CCSER1: variants seen among roughly 807,000 people sequenced by gnomAD.
The protein encoded by CCSER1 is serine-rich coiled-coil domain-containing protein 1.
In CCSER1, 41 loss-of-function variants were observed where a neutral mutation model predicts 82.0. That is an observed-to-expected ratio of 0.50 (90% confidence interval 0.39 to 0.65). The LOEUF is 0.65. Ranked by LOEUF, CCSER1 falls within the 30% of genes least tolerant of loss-of-function variation. CCSER1 has a pLI of 0.00. For missense variants in CCSER1, 1,119 were observed against 1,064.2 expected (o/e 1.05, Z -0.72); for synonymous variants, 414 against 383.9 (o/e 1.08, Z -0.92).
intron 10 of CCSER1, among the ~76,000 whole-genome samples, chr4:91,229,288 C>CA (rs59877595): frequency 0.15 from 20,685 of 138,014 alleles, 1,858 homozygotes; most frequent in Middle Eastern, 0.25. Context: ...CAAAAACCTG[C>CA]AAAAAAAAAA....
chr4:91,247,173 G>A (rs1157688548), intron 10 of CCSER1, among the ~76,000 whole-genome samples: 2 of 151,740 alleles, frequency 1.3e-5, no homozygotes, highest in Non-Finnish European at 2.9e-5. Context: ...GTGGTGGTGG[G>A]CGCCTGTAGT....
intron 10 of CCSER1, among the ~76,000 whole-genome samples, chr4:91,269,352 G>A (rs1383177869): frequency 2.0e-5 from 3 of 152,046 alleles, no homozygotes; most frequent in Non-Finnish European, 2.9e-5. Flanking sequence ...TTCAAATTTC[G>A]GGGAATCGCC....
At chr4:90,789,110 C>A (rs1754905936) in intron 7 of CCSER1, among the ~76,000 whole-genome samples, 3 of 152,162 alleles carry the variant, frequency 2.0e-5, no homozygotes, top group Non-Finnish European at 2.9e-5. Flanking sequence ...GTTGGTAGCT[C>A]ACTACTTTTT....
intron 3 of CCSER1, among the ~76,000 whole-genome samples, chr4:90,352,290 C>T (rs1436310356): frequency 6.6e-6 from 1 of 152,000 alleles, no homozygotes; most frequent in Admixed American, 6.5e-5. Flanking sequence ...CGCCACTGCA[C>T]TCCAGCCTGG....
At chr4:91,584,771 G>T (rs1254572003) in intron 10 of CCSER1, among the ~76,000 whole-genome samples, 1 of 151,134 alleles carries the variant, frequency 6.6e-6, no homozygotes, top group Non-Finnish European at 1.5e-5. Context: ...TATAAACATT[G>T]TTATTAAAAA....
intron 1 of CCSER1, among the ~76,000 whole-genome samples, chr4:90,261,040 T>C (rs909010267): frequency 6.6e-6 from 1 of 152,148 alleles, no homozygotes; most frequent in Non-Finnish European, 1.5e-5. Flanking sequence ...TTAAACCCAT[T>C]CGGCCATTCT....
intron 10 of CCSER1, among the ~76,000 whole-genome samples, chr4:91,293,619 C>T (rs1352621169): frequency 6.6e-6 from 1 of 151,898 alleles, no homozygotes; most frequent in South Asian, 2.1e-4. Context: ...GCATTCAATG[C>T]ACGTTTTGAA....
At chr4:90,488,231 G>A (rs1767428243) in intron 5 of CCSER1, among the ~76,000 whole-genome samples, 1 of 151,878 alleles carries the variant, frequency 6.6e-6, no homozygotes, top group African/African-American at 2.4e-5. Flanking sequence ...GCCCAGGCTG[G>A]AGTACAGTGG....
At chr4:90,152,048 A>G (rs1021987334) in intron 1 of CCSER1, among the ~76,000 whole-genome samples, 1 of 152,186 alleles carries the variant, frequency 6.6e-6, no homozygotes, top group African/African-American at 2.4e-5. Flanking sequence ...CTGTGTATGC[A>G]TATCATTTTA....
chr4:91,381,789 T>C (rs1360073730), intron 10 of CCSER1, among the ~76,000 whole-genome samples: 2 of 152,210 alleles, frequency 1.3e-5, no homozygotes, highest in Admixed American at 6.5e-5. Flanking sequence ...CTGGTGAGGA[T>C]CTGAGTTTCT....
At chr4:90,966,877 T>G (rs1734617820) in intron 9 of CCSER1, among the ~76,000 whole-genome samples, 1 of 152,062 alleles carries the variant, frequency 6.6e-6, no homozygotes, top group Non-Finnish European at 1.5e-5. Context: ...AGCTAGCTTC[T>G]CTGAAGAAAT....
intron 10 of CCSER1, among the ~76,000 whole-genome samples, chr4:91,394,779 A>G (rs1349962252): frequency 2.0e-5 from 3 of 152,060 alleles, no homozygotes; most frequent in Non-Finnish European, 4.4e-5. Flanking sequence ...CTAACATATA[A>G]CAAAAAACCT....
At chr4:91,041,422 A>G (rs1741946265) in intron 9 of CCSER1, among the ~76,000 whole-genome samples, 1 of 152,192 alleles carries the variant, frequency 6.6e-6, no homozygotes, top group Non-Finnish European at 1.5e-5. Context: ...ATGAGCTAGC[A>G]TTGCTTTGTG....
At chr4:90,322,066 G>A (rs1374377149) in intron 3 of CCSER1, among the ~76,000 whole-genome samples, 1 of 152,094 alleles carries the variant, frequency 6.6e-6, no homozygotes, top group Non-Finnish European at 1.5e-5. Context: ...CAAGACCAAT[G>A]TCTTGGAGAG....
intron 3 of CCSER1, among the ~76,000 whole-genome samples, chr4:90,390,597 T>C (rs1239214957): frequency 6.6e-6 from 1 of 152,214 alleles, no homozygotes; most frequent in Non-Finnish European, 1.5e-5. Flanking sequence ...TCCATGTTGC[T>C]GCAAAAGACA....
chr4:90,938,606 T>C (rs1581152548), intron 9 of CCSER1: 1 of 316,406 alleles, frequency 3.2e-6, no homozygotes, highest in East Asian at 8.2e-5. Flanking sequence ...ATTTAAAATA[T>C]TCATATTAAG....
chr4:90,442,332 C>T (rs1478944888), intron 4 of CCSER1, among the ~76,000 whole-genome samples: 1 of 152,086 alleles, frequency 6.6e-6, no homozygotes, highest in East Asian at 1.9e-4. Flanking sequence ...GGCACTAATC[C>T]ATGGCAATCA....
chr4:91,241,329 T>TC (rs1471735640), intron 10 of CCSER1, among the ~76,000 whole-genome samples: 3 of 134,920 alleles, frequency 2.2e-5, no homozygotes, highest in African/African-American at 6.1e-5. Context: ...TAAAATACAT[T>TC]TTTTTTTTTT....
chr4:91,188,961 T>C (rs571617209), intron 10 of CCSER1, among the ~76,000 whole-genome samples: 36 of 152,028 alleles, frequency 2.4e-4, no homozygotes, highest in African/African-American at 8.2e-4. Flanking sequence ...ACCAGAGAAA[T>C]AGAAAAAAAG....
Sources: gnomAD v4.1 joint callset for allele counts (sites outside exome capture counted in the v4.1 genomes callset) on GRCh38, gnomAD v4.1.1 for gene constraint, MANE v1.5 for transcripts, NCBI Gene and HGNC (gene_info 2026-07-23, HGNC 2026-07-21) for gene names.